Variants in MYBBP1A observed in about 807,000 individuals in gnomAD.
MYBBP1A encodes the protein myb-binding protein 1A.
In MYBBP1A, 147 loss-of-function variants were observed where a neutral mutation model predicts 136.3. The ratio of observed to expected loss-of-function variants is 1.08; its 90% CI spans 0.94 to 1.24. The LOEUF is 1.24. Among genes scored for constraint, MYBBP1A ranks in the 50% most tolerant of loss-of-function variants. The pLI is 0.00. For missense variants in MYBBP1A, 2,060 were observed against 1,727.4 expected (o/e 1.19, Z -3.41); for synonymous variants, 947 against 735.8 (o/e 1.29, Z -4.65).
intron 10 of MYBBP1A, 123 bp downstream of exon 10, chr17:4,549,209 C>G (rs1365103542): frequency 4.0e-6 from 3 of 757,900 alleles, no homozygotes; most frequent in East Asian, 5.6e-5. Flanking sequence ...CTTGTGCCTG[C>G]CCCCCACTGA....
intron 13 of MYBBP1A, 72 bp downstream of exon 13, chr17:4,547,886 A>C: frequency 7.7e-7 from 1 of 1,300,880 alleles, no homozygotes; most frequent in Non-Finnish European, 1.0e-6. Context: ...AGCCCTCAAA[A>C]GCCTCTCGGT....
At position 4,552,015 on chromosome 17, in the gene MYBBP1A, C is replaced by T. The variant is rs1907562473; in HGVS notation, c.906-18G>A. On this transcript the variant is annotated intron_variant, in intron 7 of 25. Transcript: ENST00000254718. This position sits in a 1 kb window ranked among gnomAD's most constrained non-coding sequence, Gnocchi z 4.7. ...ACAGGTAGCTAAAGGGGGTGCAGGACAGAGCCTGGTCAGAGCCCTTGGTGC... is the reference window on the plus strand; with the variant it reads ...ACAGGTAGCTAAAGGGGGTGCAGGATAGAGCCTGGTCAGAGCCCTTGGTGC... 2 of 1,602,526 alleles carry T rather than the reference C, an allele frequency of 1.2e-6. No individual in the cohort carries two copies. The highest frequency in any genetic ancestry group is 1.7e-5 in the Admixed American group (1 of 59,592).
Position 4,544,750 on chromosome 17 carries a change from C to T in MYBBP1A, c.2481+1G>A. Reference sequence around the variant, plus strand: ...TGGGTGCGGCCCGCCCCCAGGCTCACCCGGATCTGGAAGTCGCGCCGCAGA... The same window carrying T: ...TGGGTGCGGCCCGCCCCCAGGCTCATCCGGATCTGGAAGTCGCGCCGCAGA... On this transcript the variant is annotated splice_donor_variant, in intron 18 of 25. Coordinates refer to ENST00000254718, the MANE Select transcript of MYBBP1A (RefSeq NM_014520.4). LOFTEE classifies it high-confidence loss of function. 1 of 1,551,816 alleles carries T rather than the reference C, an allele frequency of 6.4e-7. No individual in the cohort carries two copies. The highest frequency in any genetic ancestry group is 8.7e-7 in the Non-Finnish European group (1 of 1,148,068).
Position 4,539,885 on chromosome 17 carries a change from C to G in MYBBP1A, c.3517G>C (p.Gly1173Arg). The G allele has an allele frequency of 2.5e-6, 4 of 1,602,722 alleles. No individual in the cohort carries two copies. The highest frequency in any genetic ancestry group is 3.4e-6 in the Non-Finnish European group (4 of 1,179,952). Residue 1173 changes from glycine (G) to arginine (R), a missense_variant, in exon 26 of 26, where the codon GGA (glycine) becomes CGA (arginine). Transcript: ENST00000254718. ...CGCTTCTTCGTCTCTGGCAAGAATC[C>G]CTTTTTCTTCCGCTTCTTACTGATG... ...SPISKKRKKKGFLPETKKRKK... is the reference protein window; with the variant it reads ...SPISKKRKKKRFLPETKKRKK...
chr17:4,540,068 C>A, intron 25 of MYBBP1A, 101 bp from the exon 26 acceptor site: 1 of 1,398,118 alleles, frequency 7.2e-7, no homozygotes, highest in Non-Finnish European at 9.7e-7. Context: ...CCTCTGAGGC[C>A]CCTAGGTTCT....
intron 24 of MYBBP1A, 123 bp from the exon 25 acceptor site, chr17:4,540,607 C>A: frequency 8.4e-7 from 1 of 1,195,178 alleles, no homozygotes; most frequent in Non-Finnish European, 1.1e-6. Flanking sequence ...TCCTGGGCCT[C>A]AGCCTCTCCT....
chr17:4,544,150 C>T (rs1220820713), intron 19 of MYBBP1A, among the ~76,000 whole-genome samples: 1 of 147,796 alleles, frequency 6.8e-6, no homozygotes, highest in Non-Finnish European at 1.5e-5. Context: ...TCCCCCTCCA[C>T]CCCAGCACAG....
rs1223560927 is a variant in MYBBP1A at position 4,544,530 on chromosome 17, T to C, written c.2598A>G (p.Lys866=). Residue 866 remains lysine (K), a synonymous_variant, in exon 19 of 26, where the codon AAA becomes AAG. Coordinates refer to ENST00000254718, the MANE Select transcript of MYBBP1A (RefSeq NM_014520.4). ...TCTTGTGCAGAAGGTCCTGCTCCTGTTTGGAGCTGCTGCTGCGCAGGCTGC... is the reference window on the plus strand; with the variant it reads ...TCTTGTGCAGAAGGTCCTGCTCCTGCTTGGAGCTGCTGCTGCGCAGGCTGC... ...IRRSLRSSSS[K]QEQDLLHKTA... 3.2e-6 allele frequency: 5 copies of C among 1,554,990 alleles called. No individual in the cohort carries two copies. Among genetic ancestry groups the C allele is most frequent in the Non-Finnish European group, 4.3e-6 (5 of 1,149,814 alleles).
Position 4,551,863 on chromosome 17 carries a change from G to GCA in MYBBP1A, c.1023+15_1023+16dup. ...CTAGCCTTTCTGGCAGTGTCGAGCTGCACGGGCATTACCCACCTTAGCAGT... is the reference window on the plus strand; with the variant it reads ...CTAGCCTTTCTGGCAGTGTCGAGCTGCACACGGGCATTACCCACCTTAGCAGT... On this transcript the variant is annotated intron_variant, in intron 8 of 25. Coordinates refer to ENST00000254718, the MANE Select transcript of MYBBP1A (RefSeq NM_014520.4). 1 of 1,604,508 alleles carries GCA rather than the reference G, an allele frequency of 6.2e-7. No individual in the cohort carries two copies. Among genetic ancestry groups the GCA allele is most frequent in the Non-Finnish European group, 8.5e-7 (1 of 1,172,578 alleles).
Position 4,540,377 on chromosome 17 carries a change from G to T in MYBBP1A, c.3405C>A (p.Tyr1135Ter). 2 of 1,609,466 alleles carry T rather than the reference G, an allele frequency of 1.2e-6. No individual in the cohort carries two copies. ...STGSSRLHDL[Y>*]WQAMKTLGVQ... ...CTCCCAGGGTTTTCATGGCCTGCCA[G>T]TAGAGGTCGTGCAGGCGGCTGGAGC... The change falls in exon 25 of 26, where the codon TAC (tyrosine) becomes TAA (stop). Residue 1135 changes from tyrosine to a stop codon, truncating the protein, a stop_gained. Coordinates refer to ENST00000254718, the MANE Select transcript of MYBBP1A (RefSeq NM_014520.4). LOFTEE classifies it low-confidence loss of function (END_TRUNC).
rs1437144381 is a variant in MYBBP1A, at chr17:4,541,463, CTCA to C, written c.3294_3296del (p.His1098_Glu1099delinsGln). Reference sequence around the variant, plus strand: ...ACCGCGGACTGGGCCCCCGCCTCACCTCATGTTTGCAGGTCCTGAAGAGAACGT... The same window carrying C: ...ACCGCGGACTGGGCCCCCGCCTCACCTGTTTGCAGGTCCTGAAGAGAACGT... On this transcript the variant is annotated inframe_deletion and splice_region_variant, in exon 24 of 26. Transcript: ENST00000254718. The C allele has an allele frequency of 1.9e-6, 3 of 1,612,880 alleles. No homozygotes were observed. The highest frequency in any genetic ancestry group is 1.7e-5 in the Admixed American group (1 of 60,038).
At chr17:4,543,750 G>T (rs1255645275) in intron 19 of MYBBP1A, among the ~76,000 whole-genome samples, 1 of 152,056 alleles carries the variant, frequency 6.6e-6, no homozygotes, top group Admixed American at 6.5e-5. Context: ...TCTGAAGGCA[G>T]GTCTACCAGG....
At chr17:4,545,405 A>C in intron 15 of MYBBP1A, 60 bp from the exon 16 acceptor site, 3 of 1,595,982 alleles carry the variant, frequency 1.9e-6, no homozygotes, top group East Asian at 2.3e-5. Flanking sequence ...TCCAGGCCCC[A>C]CTCAGCCTTG....
Position 4,550,200 on chromosome 17 carries a change from G to T in MYBBP1A, c.1177C>A (p.Arg393=), listed in dbSNP as rs150416304. Residue 393 remains arginine (R), a synonymous_variant, in exon 9 of 26, where the codon CGG becomes AGG. Coordinates refer to ENST00000254718, the MANE Select transcript of MYBBP1A (RefSeq NM_014520.4). ...GGAGGGCTCAGGAACCGCACGACCC[G>T]CCAGAAAGTAGGCGTGACAGGGAGG... ...QGLPVTPTFW[R]VVRFLSPPAL... The T allele has an allele frequency of 1.5e-5, 24 of 1,613,750 alleles. No homozygotes were observed. Among genetic ancestry groups the T allele is most frequent in the Non-Finnish European group, 1.7e-5 (20 of 1,180,052 alleles).
intron 19 of MYBBP1A, among the ~76,000 whole-genome samples, chr17:4,543,668 A>C (rs569690771): frequency 6.6e-5 from 10 of 152,048 alleles, no homozygotes; most frequent in Non-Finnish European, 2.9e-5. Context: ...ACTGCCAGTC[A>C]CACTCCCCAC....
chr17:4,546,062 G>A (rs1906988505), intron 13 of MYBBP1A, 120 bp from the exon 14 acceptor site: 2 of 827,576 alleles, frequency 2.4e-6, no homozygotes, highest in Non-Finnish European at 3.8e-6. Flanking sequence ...CCAGCCACTG[G>A]CCCGCCCTGG....
At chr17:4,553,466 G>A (rs1002273319) in intron 5 of MYBBP1A, among the ~76,000 whole-genome samples, 4 of 152,254 alleles carry the variant, frequency 2.6e-5, no homozygotes, top group Non-Finnish European at 2.9e-5. Flanking sequence ...CAGGGCTGCT[G>A]AGCGCCTGAA....
intron 24 of MYBBP1A, 140 bp downstream of exon 24, chr17:4,541,323 G>A: frequency 1.3e-6 from 1 of 768,710 alleles, no homozygotes; most frequent in Non-Finnish European, 2.2e-6. Flanking sequence ...GCAGCCCAGA[G>A]CCCTGGCCCA....
At chr17:4,550,398 C>CA (rs755296171) in intron 8 of MYBBP1A, 45 bp from the exon 9 acceptor site, 1 of 1,564,352 alleles carries the variant, frequency 6.4e-7, no homozygotes, top group Non-Finnish European at 8.7e-7. Context: ...CCCAGGGGGG[C>CA]AGGCGGTTAA....
Sources: allele counts gnomAD v4.1 joint callset (sites outside exome capture counted in the v4.1 genomes callset), GRCh38; gene constraint gnomAD v4.1.1; non-coding constraint Gnocchi (gnomAD v3.1); transcripts MANE v1.5; gene names NCBI Gene and HGNC (gene_info 2026-07-23, HGNC 2026-07-21).